The following NISCH variants were observed in gnomAD, a reference collection of about 807,000 sequenced individuals.
The protein encoded by NISCH is nischarin, also known as I-1 receptor candidate protein.
Under a neutral mutation model 138.4 loss-of-function variants are expected in NISCH, and 55 were observed. That is an observed-to-expected ratio of 0.40 (90% CI 0.32 to 0.50). The LOEUF (loss-of-function observed/expected upper bound fraction) is 0.50. Among genes scored for constraint, NISCH ranks in the 20% least tolerant of loss-of-function variants. The pLI is 0.71. For synonymous variants in NISCH, 860 were observed against 861.5 expected, an observed-to-expected ratio of 1.00 and a Z score of 0.03; for missense variants, 1,643 against 2,005.5, an observed-to-expected ratio of 0.82 and a Z score of 3.45.
chr3:52,483,437 A>G (rs1317786862), intron 13 of NISCH, among the ~76,000 whole-genome samples: 1 of 152,230 alleles, frequency 6.6e-6, no homozygotes, highest in Non-Finnish European at 1.5e-5. Flanking sequence ...GGCGGCAGTC[A>G]GGAACATGTT....
At chr3:52,474,042 T>C (rs1027178177) in intron 7 of NISCH, among the ~76,000 whole-genome samples, 1 of 152,228 alleles carries the variant, frequency 6.6e-6, no homozygotes, top group African/African-American at 2.4e-5. Flanking sequence ...AAAGTTCGTG[T>C]TGTTAACAGG....
chr3:52,460,688 C>T (rs1254130891), intron 3 of NISCH, among the ~76,000 whole-genome samples: 2 of 152,122 alleles, frequency 1.3e-5, no homozygotes, highest in Non-Finnish European at 2.9e-5. Flanking sequence ...AGGTGTGAGC[C>T]ACTGCACCTG....
At chr3:52,480,494 T>G (rs1351755119) in intron 13 of NISCH, 199 bp downstream of exon 13, 1 of 1,526,930 alleles carries the variant, frequency 6.5e-7, no homozygotes, top group Non-Finnish European at 8.7e-7. Flanking sequence ...TGTTGCTTGC[T>G]TGGTGAGGAC....
rs571298060 is a variant in NISCH at position 52,491,755 on chromosome 3, A to G, written c.3905-117A>G. ...CCTGGCCTGTGGGCCCCACACTTGGAGCATCCTCTCCTGCCTGTCTCATGC... is the reference window on the plus strand; with the variant it reads ...CCTGGCCTGTGGGCCCCACACTTGGGGCATCCTCTCCTGCCTGTCTCATGC... On this transcript the variant is annotated intron_variant, in intron 20 of 20. Coordinates refer to ENST00000345716, the MANE Select transcript of NISCH (RefSeq NM_007184.4). 3.7e-6 allele frequency: 5 copies of G among 1,344,894 alleles called. No individual in the cohort carries two copies. In the South Asian group the frequency reaches 7.1e-5, roughly 19 times the overall value. 83.3% of individuals were successfully genotyped at this position (1,344,894 alleles called of 1,614,324 possible). A position where few individuals can be genotyped will look rare whatever the true frequency, so the allele number is the denominator to read the frequency against.
At chr3:52,455,787 T>G (rs1578268242) in intron 1 of NISCH, 53 bp downstream of exon 1, 2 of 1,253,530 alleles carry the variant, frequency 1.6e-6, no homozygotes, top group Non-Finnish European at 2.1e-6. Context: ...GAACCGGGAG[T>G]CCGACTCGGG....
At position 52,480,477 on chromosome 3, in the gene NISCH, T is replaced by A; in HGVS notation, c.1528+182T>A. ...CACATGGCAGGGGTGCCTGGCCTGA[T>A]GCCAGCTGTTGCTTGCTTGGTGAGG... On this transcript the variant is annotated intron_variant, in intron 13 of 20. Coordinates refer to ENST00000345716, the MANE Select transcript of NISCH (RefSeq NM_007184.4). 3 of 1,530,512 alleles carry A rather than the reference T, an allele frequency of 2.0e-6. No homozygotes were observed. In the South Asian group the frequency reaches 3.6e-5, roughly 18 times the overall value. The allele number at this position is 1,530,512 out of a possible 1,614,324, so 94.8% of individuals were successfully genotyped here. A position where few individuals can be genotyped will look rare whatever the true frequency, so the allele number is the denominator to read the frequency against.
Position 52,490,100 on chromosome 3 carries a change from T to C in NISCH, c.3482T>C (p.Leu1161Pro). 1.4e-5 allele frequency: 22 copies of C among 1,613,616 alleles called. No homozygotes were observed. The highest frequency in any genetic ancestry group is 1.9e-5 in the Non-Finnish European group (22 of 1,179,984). The change falls in exon 18 of 21, where the codon CTC becomes CCC. Residue 1161 changes from leucine to proline, a missense_variant. Leu to Pro is a moderately conservative substitution (Grantham distance 98, BLOSUM62 -3). Coordinates refer to ENST00000345716, the MANE Select transcript of NISCH (RefSeq NM_007184.4). ...AEVENEELRH[L>P]MWSSVVFYQT... ...GTTGAAAACGAGGAGCTGAGGCACC[T>C]CATGTGGTCCTCGGTGGTGTTCTAC...
At chr3:52,469,921 GA>G (rs985292106) in intron 3 of NISCH, among the ~76,000 whole-genome samples, 3,912 of 85,460 alleles carry the variant, frequency 0.046, 104 homozygotes, top group African/African-American at 0.11. Flanking sequence ...TCTCAAAAAA[GA>G]AAAAAAAAAA....
At chr3:52,480,793 C>A in intron 13 of NISCH, 1 of 1,479,860 alleles carries the variant, frequency 6.8e-7, no homozygotes, top group South Asian at 1.3e-5. Context: ...TGGGCCATCT[C>A]TGTCCCTGTG....
At chr3:52,477,691 G>T (rs559592612) in intron 9 of NISCH, 49 bp downstream of exon 9, 3 of 1,494,714 alleles carry the variant, frequency 2.0e-6, no homozygotes, top group Non-Finnish European at 2.8e-6. Context: ...CCAAGGCCCC[G>T]CCCTGAGATT....
chr3:52,479,686 C>T (rs1707211275), intron 11 of NISCH, 63 bp from the exon 12 acceptor site: 1 of 1,186,026 alleles, frequency 8.4e-7, no homozygotes, highest in Admixed American at 2.1e-5. Flanking sequence ...TAGCCATCAC[C>T]AGTCCCCATG....
intron 3 of NISCH, among the ~76,000 whole-genome samples, chr3:52,465,378 C>T (rs1369910067): frequency 6.6e-6 from 1 of 152,210 alleles, no homozygotes; most frequent in Non-Finnish European, 1.5e-5. Flanking sequence ...GATCCACCCA[C>T]CTCGGCCTCC....
chr3:52,476,545 A>G lies in NISCH; in HGVS notation c.864A>G (p.Ala288=). 1.2e-6 allele frequency: 2 copies of G among 1,614,142 alleles called. No individual in the cohort carries two copies. Among genetic ancestry groups the G allele is most frequent in the Non-Finnish European group, 1.7e-6 (2 of 1,179,998 alleles). The change falls in exon 8 of 21, where the codon GCA becomes GCG. Residue 288 remains alanine, a synonymous_variant. Coordinates refer to ENST00000345716, the MANE Select transcript of NISCH (RefSeq NM_007184.4). Reference sequence around the variant, plus strand: ...CTGCCGTCATCCCCACTTGGCAGGCATTGACCACGCTTGACCTGAGCCACA... The same window carrying G: ...CTGCCGTCATCCCCACTTGGCAGGCGTTGACCACGCTTGACCTGAGCCACA... The part of the protein sequence containing the change: ...PVTAVIPTWQ[A]LTTLDLSHNS...
chr3:52,471,407 C>T, intron 4 of NISCH: 1 of 295,754 alleles, frequency 3.4e-6, no homozygotes. Context: ...CAGAACCCAT[C>T]CTGCTTCCAG....
intron 11 of NISCH, among the ~76,000 whole-genome samples, chr3:52,479,123 C>T (rs576444634): frequency 6.6e-6 from 1 of 152,340 alleles, no homozygotes; most frequent in Admixed American, 6.5e-5. Context: ...AGTGCCCCTT[C>T]CTCCACACAG....
chr3:52,480,735 C>G (rs1216342988), intron 13 of NISCH: 2 of 1,425,448 alleles, frequency 1.4e-6, no homozygotes, highest in East Asian at 2.6e-5. Context: ...ACTGCCTCAT[C>G]TCTGTGGGGT....
intron 5 of NISCH, 103 bp downstream of exon 5, chr3:52,472,080 G>C: frequency 7.6e-7 from 1 of 1,313,226 alleles, no homozygotes; most frequent in Non-Finnish European, 1.0e-6. Context: ...ATGGGGGACT[G>C]TTGGTGGAAG....
chr3:52,485,881 C>CA, intron 15 of NISCH, 54 bp downstream of exon 15: 1 of 1,528,624 alleles, frequency 6.5e-7, no homozygotes, highest in South Asian at 1.2e-5. Context: ...CTTATGCACA[C>CA]ACACTGCTGT....
chr3:52,485,733 C>T, intron 14 of NISCH, 45 bp from the exon 15 acceptor site: 1 of 1,553,948 alleles, frequency 6.4e-7, no homozygotes, highest in African/African-American at 1.4e-5. Flanking sequence ...ATGGCTGGGG[C>T]TGGCTGCAGT....
Sources: allele counts gnomAD v4.1 joint callset (sites outside exome capture counted in the v4.1 genomes callset), GRCh38; gene constraint gnomAD v4.1.1; transcripts MANE v1.5; gene names NCBI Gene and HGNC (gene_info 2026-07-23, HGNC 2026-07-21).